Variants in LRP1B observed in about 807,000 individuals in gnomAD.
LRP1B encodes the protein LDL receptor related protein 1B.
A neutral mutation model predicts 556.6 loss-of-function variants in LRP1B; 217 were observed. The observed-to-expected ratio is 0.39, with a 90% CI of 0.35 to 0.44. LRP1B has a LOEUF of 0.44. Among genes scored for constraint, LRP1B ranks in the 20% least tolerant of loss-of-function variants. LRP1B has a pLI of 1.00. For missense variants in LRP1B, 5,053 were observed against 5,620.8 expected (o/e 0.90, Z 3.23); for synonymous variants, 2,047 against 1,865.8 (o/e 1.10, Z -2.50).
chr2:141,166,465 C>T (rs1307976503), intron 7 of LRP1B, among the ~76,000 whole-genome samples: 1 of 149,628 alleles, frequency 6.7e-6, no homozygotes, highest in African/African-American at 2.5e-5. Context: ...GCATATAATG[C>T]ATAACAATCA....
intron 78 of LRP1B, among the ~76,000 whole-genome samples, chr2:140,334,937 G>A (rs1053216460): frequency 7.9e-5 from 12 of 151,940 alleles, no homozygotes; most frequent in Admixed American, 1.3e-4. Flanking sequence ...GTATGAACAC[G>A]CTATTTTTTT....
At chr2:140,284,992 C>A (rs1305332151) in intron 84 of LRP1B, among the ~76,000 whole-genome samples, 1 of 144,356 alleles carries the variant, frequency 6.9e-6, no homozygotes, top group Non-Finnish European at 1.5e-5. Flanking sequence ...ATGTTCATAT[C>A]CATATACCTA....
Position 140,604,518 on chromosome 2 carries a change from T to A in LRP1B, c.6800-2879A>T, listed in dbSNP as rs534739022. On this transcript the variant is annotated intron_variant, in intron 41 of 90. Coordinates refer to ENST00000389484, the MANE Select transcript of LRP1B (RefSeq NM_018557.3). ...ACTTCAGTTCATAGAGAACATACTT[T>A]CATCTCATCACCACTGAAGAACAGC... Among the ~76,000 whole-genome samples the A allele has an allele frequency of 2.6e-5, 4 of 152,258 alleles. No individual in the cohort carries two copies. In the South Asian group the frequency reaches 8.3e-4, roughly 32 times the overall value.
chr2:141,761,359 C>CAAAA lies in LRP1B; in HGVS notation c.205+48916_205+48919dup, dbSNP rs11355588. 6.3e-3 allele frequency among the ~76,000 whole-genome samples: 938 copies of CAAAA among 148,324 alleles called. 7 individuals carry two copies. Among genetic ancestry groups the CAAAA allele is most frequent in the African/African-American group, 0.022 (889 of 40,484 alleles). On this transcript the variant is annotated intron_variant, in intron 2 of 90. Transcript: ENST00000389484. ...GAATTTTCCCTCAGCAATCCTAAGTCAAAAAAAAAAAATACATTGAAGTCT... is the reference window on the plus strand; with the variant it reads ...GAATTTTCCCTCAGCAATCCTAAGTCAAAAAAAAAAAAAAAATACATTGAAGTCT...
At chr2:142,019,645 C>T (rs79431662) in intron 1 of LRP1B, among the ~76,000 whole-genome samples, 10,406 of 152,176 alleles carry the variant, frequency 0.068, 437 homozygotes, top group East Asian at 0.15. Context: ...TTGGTGCCCT[C>T]CTGCTCAAAA....
chr2:141,288,261 C>T (rs1422451661), intron 3 of LRP1B, among the ~76,000 whole-genome samples: 1 of 150,542 alleles, frequency 6.6e-6, no homozygotes, highest in African/African-American at 2.4e-5. Context: ...TTGTTTTCAA[C>T]TGTCCTTTGT....
chr2:141,677,916 T>C (rs1366322696), intron 2 of LRP1B, among the ~76,000 whole-genome samples: 1 of 152,188 alleles, frequency 6.6e-6, no homozygotes, highest in African/African-American at 2.4e-5. Flanking sequence ...GAGAGGTATA[T>C]ATGAATGCAA....
intron 3 of LRP1B, among the ~76,000 whole-genome samples, chr2:141,339,988 A>G (rs1036652467): frequency 1.3e-5 from 2 of 152,062 alleles, no homozygotes; most frequent in South Asian, 2.1e-4. Context: ...CTATATGTCT[A>G]TGTGTACCCA....
At chr2:140,775,466 GA>G (rs1244836264) in intron 33 of LRP1B, among the ~76,000 whole-genome samples, 10 of 88,954 alleles carry the variant, frequency 1.1e-4, no homozygotes, top group African/African-American at 3.0e-4. Context: ...TTTTTTGGTT[GA>G]TTTTTTTTTT....
chr2:141,536,130 C>T (rs112704722), intron 2 of LRP1B, among the ~76,000 whole-genome samples: 45 of 151,966 alleles, frequency 3.0e-4, no homozygotes, highest in Non-Finnish European at 4.4e-4. Context: ...GATCCAAAAG[C>T]GCAACACTTT....
At chr2:140,484,889 A>T (rs1688402951) in intron 59 of LRP1B, among the ~76,000 whole-genome samples, 1 of 152,088 alleles carries the variant, frequency 6.6e-6, no homozygotes, top group South Asian at 2.1e-4. Context: ...AAGGCACATG[A>T]TAATGCACCC....
chr2:140,730,201 C>T (rs182015652), intron 35 of LRP1B, among the ~76,000 whole-genome samples: 12 of 152,176 alleles, frequency 7.9e-5, no homozygotes, highest in South Asian at 4.1e-4. Context: ...CCTAAATGGT[C>T]GCCTTCCTTT....
chr2:141,430,770 T>C (rs1335286287), intron 3 of LRP1B, among the ~76,000 whole-genome samples: 1 of 152,152 alleles, frequency 6.6e-6, no homozygotes, highest in Non-Finnish European at 1.5e-5. Flanking sequence ...TACAATCAAA[T>C]GCCAATCTAG....
At chr2:141,555,814 A>G (rs1027310784) in intron 2 of LRP1B, among the ~76,000 whole-genome samples, 1 of 151,924 alleles carries the variant, frequency 6.6e-6, no homozygotes, top group Non-Finnish European at 1.5e-5. Flanking sequence ...AGATTAAAAG[A>G]GTCTTTGAAA....
At chr2:141,729,118 G>T (rs1693165632) in intron 2 of LRP1B, among the ~76,000 whole-genome samples, 1 of 152,108 alleles carries the variant, frequency 6.6e-6, no homozygotes, top group African/African-American at 2.4e-5. Flanking sequence ...TTAACAAGGT[G>T]AGCCAAAGGG....
intron 2 of LRP1B, among the ~76,000 whole-genome samples, chr2:141,737,715 G>A (rs1443232637): frequency 6.6e-6 from 1 of 152,118 alleles, no homozygotes; most frequent in Non-Finnish European, 1.5e-5. Flanking sequence ...ATAGTGGATT[G>A]CTTGTAAATC....
intron 3 of LRP1B, among the ~76,000 whole-genome samples, chr2:141,309,269 A>G (rs1008959146): frequency 2.6e-5 from 4 of 152,278 alleles, no homozygotes; most frequent in African/African-American, 7.2e-5. Flanking sequence ...AAATAAAGAC[A>G]TCAATAACTT....
intron 7 of LRP1B, among the ~76,000 whole-genome samples, chr2:141,072,456 G>T (rs1329916705): frequency 6.6e-6 from 1 of 151,958 alleles, no homozygotes; most frequent in Non-Finnish European, 1.5e-5. Flanking sequence ...CTGTGCCTAT[G>T]ACCTTTTATT....
At position 141,257,271 on chromosome 2, in the gene LRP1B, TCA is replaced by T. The variant is rs775998276; in HGVS notation, c.344-2632_344-2631del. Among the ~76,000 whole-genome samples, 56 of 152,250 alleles carry T rather than the reference TCA, an allele frequency of 3.7e-4. 1 individual carries two copies. The Middle Eastern group carries it at 0.02, about 55-fold the overall frequency. On this transcript the variant is annotated intron_variant, in intron 3 of 90. Coordinates refer to ENST00000389484, the MANE Select transcript of LRP1B (RefSeq NM_018557.3). The stretch of plus-strand genomic sequence containing the variant: ...GAAAGGTTTCTCACAGAAAATAGAT[TCA>T]GTTATACTATGAAAAGAATGAGGGT...
Sources: allele counts gnomAD v4.1 joint callset (sites outside exome capture counted in the v4.1 genomes callset), GRCh38; gene constraint gnomAD v4.1.1; transcripts MANE v1.5; gene names NCBI Gene and HGNC (gene_info 2026-07-23, HGNC 2026-07-21).